Variants in KCTD16 observed in about 807,000 individuals in gnomAD.
KCTD16 encodes BTB/POZ domain-containing protein KCTD16.
In KCTD16, 13 loss-of-function variants were observed where a neutral mutation model predicts 33.2. The observed-to-expected ratio is 0.39, with a 90% CI of 0.25 to 0.62. KCTD16 has a LOEUF of 0.62. Ranked by LOEUF, KCTD16 falls within the 20% of genes least tolerant of loss-of-function variation. The pLI is 0.50. For synonymous variants in KCTD16, 197 were observed against 195.3 expected, an observed-to-expected ratio of 1.01 and a Z score of -0.07; for missense variants, 441 against 525.1, an observed-to-expected ratio of 0.84 and a Z score of 1.57.
At chr5:144,454,097 A>C (rs1435096480) in intron 3 of KCTD16, among the ~76,000 whole-genome samples, 1 of 152,214 alleles carries the variant, frequency 6.6e-6, no homozygotes, top group Non-Finnish European at 1.5e-5. Context: ...GGCTAGATAA[A>C]TCAACAATGA....
chr5:144,343,201 G>C (rs1214149485), intron 3 of KCTD16, among the ~76,000 whole-genome samples: 2 of 152,114 alleles, frequency 1.3e-5, no homozygotes, highest in African/African-American at 2.4e-5. Flanking sequence ...GTGAATCCAT[G>C]TGGTCCTGGA....
In KCTD16 at chr5:144,442,176, G is replaced by A. The variant is rs145598203; in HGVS notation, c.833-31484G>A. Reference sequence around the variant, plus strand: ...TTGTTACTGCCCTTGGATCAAAGTAGCTTATTAGTCTTCCAGTATTTTGTC... The same window carrying A: ...TTGTTACTGCCCTTGGATCAAAGTAACTTATTAGTCTTCCAGTATTTTGTC... On this transcript the variant is annotated intron_variant, in intron 3 of 3. Coordinates refer to ENST00000512467, the MANE Select transcript of KCTD16 (RefSeq NM_020768.4). Among the ~76,000 whole-genome samples, 399 of 152,202 alleles carry A rather than the reference G, an allele frequency of 2.6e-3. 2 individuals carry two copies. The highest frequency in any genetic ancestry group is 6.8e-3 in the Middle Eastern group (2 of 294).
intron 3 of KCTD16, among the ~76,000 whole-genome samples, chr5:144,266,590 G>A (rs1029117823): frequency 6.6e-6 from 1 of 152,206 alleles, no homozygotes; most frequent in Non-Finnish European, 1.5e-5. Context: ...CTAAATAGAA[G>A]CACATCAAGG....
At chr5:144,428,625 C>G (rs771972089) in intron 3 of KCTD16, among the ~76,000 whole-genome samples, 1 of 152,142 alleles carries the variant, frequency 6.6e-6, no homozygotes, top group Non-Finnish European at 1.5e-5. Context: ...TCTTTATGTA[C>G]TCTGTGAATA....
At position 144,432,979 on chromosome 5, in the gene KCTD16, A is replaced by G. The variant is rs566884952; in HGVS notation, c.833-40681A>G. 6.6e-5 allele frequency among the ~76,000 whole-genome samples: 10 copies of G among 152,218 alleles called. No individual in the cohort carries two copies. In the South Asian group the frequency reaches 2.1e-3, roughly 32 times the overall value. ...TGCCAAAATTATTTCCATTTTACTC[A>G]TGGGATAATAGATTAGTGGAGAGAT... On this transcript the variant is annotated intron_variant, in intron 3 of 3. Coordinates refer to ENST00000512467, the MANE Select transcript of KCTD16 (RefSeq NM_020768.4).
At chr5:144,386,594 C>A (rs1300441951) in intron 3 of KCTD16, among the ~76,000 whole-genome samples, 1 of 152,098 alleles carries the variant, frequency 6.6e-6, no homozygotes, top group Admixed American at 6.5e-5. Flanking sequence ...ACTAAGTGAA[C>A]AAATATGTAT....
intron 3 of KCTD16, among the ~76,000 whole-genome samples, chr5:144,353,119 T>C (rs1204878788): frequency 2.0e-5 from 3 of 152,198 alleles, no homozygotes; most frequent in African/African-American, 7.2e-5. Flanking sequence ...GTAGGAACCT[T>C]TGGAAATAGT....
intron 3 of KCTD16, among the ~76,000 whole-genome samples, chr5:144,323,463 A>C (rs1752126656): frequency 6.6e-6 from 1 of 152,170 alleles, no homozygotes; most frequent in Admixed American, 6.6e-5. Flanking sequence ...AATCCAAGTA[A>C]AGGGGAAAGA....
rs752501586 is a variant in KCTD16 at position 144,291,745 on chromosome 5, G to A, written c.832+84199G>A. Among the ~76,000 whole-genome samples, 14 of 152,160 alleles carry A rather than the reference G, an allele frequency of 9.2e-5. 1 individual carries two copies. Among genetic ancestry groups the A allele is most frequent in the Admixed American group, 6.5e-5 (1 of 15,280 alleles). Reference sequence around the variant, plus strand: ...ATTCAGCGCATCTGGGAACTTGAATGAGAAAAAATTGCATCTTTCTTGTTA... The same window carrying A: ...ATTCAGCGCATCTGGGAACTTGAATAAGAAAAAATTGCATCTTTCTTGTTA... On this transcript the variant is annotated intron_variant, in intron 3 of 3. Transcript: ENST00000512467.
intron 3 of KCTD16, among the ~76,000 whole-genome samples, chr5:144,282,859 A>C (rs1429819270): frequency 6.6e-6 from 1 of 152,156 alleles, no homozygotes; most frequent in South Asian, 2.1e-4. Context: ...ATAGAGAACT[A>C]TATCCCCTCA....
intron 3 of KCTD16, among the ~76,000 whole-genome samples, chr5:144,468,038 T>A (rs1388286867): frequency 6.6e-6 from 1 of 152,152 alleles, no homozygotes; most frequent in Non-Finnish European, 1.5e-5. Flanking sequence ...CCAGCTTTTG[T>A]TTACTCCAAA....
chr5:144,178,968 A>T (rs2126772196), intron 2 of KCTD16, among the ~76,000 whole-genome samples: 1 of 152,324 alleles, frequency 6.6e-6, no homozygotes, highest in South Asian at 2.1e-4. Context: ...TCAGGACAGC[A>T]CGTGCATCAG....
intron 2 of KCTD16, among the ~76,000 whole-genome samples, chr5:144,184,670 CTTG>C (rs1391059917): frequency 2.0e-5 from 3 of 152,170 alleles, no homozygotes; most frequent in African/African-American, 7.2e-5. Context: ...ATAGCCAACA[CTTG>C]TTATTATTTT....
intron 3 of KCTD16, among the ~76,000 whole-genome samples, chr5:144,337,715 G>A (rs1229903823): frequency 2.6e-5 from 4 of 152,010 alleles, no homozygotes; most frequent in Admixed American, 6.6e-5. Flanking sequence ...CTCAACTCTC[G>A]ACAAGACCTA....
rs6869081 is a variant in KCTD16 at position 144,360,067 on chromosome 5, G to A, written c.833-113593G>A. Among the ~76,000 whole-genome samples the A allele has an allele frequency of 2.8e-3, 425 of 152,096 alleles. 2 individuals are homozygous for A. The highest frequency in any genetic ancestry group is 9.1e-3 in the African/African-American group (377 of 41,484). The stretch of plus-strand genomic sequence containing the variant: ...CTAGTTAGCATTACTGTGTAAATGT[G>A]AACAGATAAAAAGCGTGACCATCAT... On this transcript the variant is annotated intron_variant, in intron 3 of 3. Transcript: ENST00000512467.
chr5:144,464,857 G>T (rs1754285117), intron 3 of KCTD16, among the ~76,000 whole-genome samples: 1 of 151,762 alleles, frequency 6.6e-6, no homozygotes, highest in Admixed American at 6.6e-5. Flanking sequence ...TCTCTGTTGG[G>T]CCCAAGTACT....
At chr5:144,261,818 T>C (rs1312316055) in intron 3 of KCTD16, among the ~76,000 whole-genome samples, 1 of 152,234 alleles carries the variant, frequency 6.6e-6, no homozygotes, top group Non-Finnish European at 1.5e-5. Flanking sequence ...CCACAACCCA[T>C]GTACCTGAAG....
At chr5:144,282,991 A>G (rs909167761) in intron 3 of KCTD16, among the ~76,000 whole-genome samples, 12 of 152,172 alleles carry the variant, frequency 7.9e-5, no homozygotes, top group Non-Finnish European at 1.6e-4. Context: ...TCCATCCTAC[A>G]GTGGTACCCT....
chr5:144,266,165 C>A (rs1755136581), intron 3 of KCTD16, among the ~76,000 whole-genome samples: 1 of 152,100 alleles, frequency 6.6e-6, no homozygotes, highest in African/African-American at 2.4e-5. Flanking sequence ...GGTTAAAAAA[C>A]AACAAATATA....
Sources: allele counts gnomAD v4.1 joint callset (sites outside exome capture counted in the v4.1 genomes callset), GRCh38; gene constraint gnomAD v4.1.1; transcripts MANE v1.5; gene names NCBI Gene and HGNC (gene_info 2026-07-23, HGNC 2026-07-21).